ANTXR1: variants seen among roughly 807,000 people sequenced by gnomAD.
ANTXR1 encodes the protein ANTXR cell adhesion molecule 1.
Under a neutral mutation model 78.1 loss-of-function variants are expected in ANTXR1, and 19 were observed. The ratio of observed to expected loss-of-function variants is 0.24; its 90% confidence interval spans 0.17 to 0.36. The LOEUF is 0.36. Ranked by LOEUF, ANTXR1 falls within the 10% of genes least tolerant of loss-of-function variation. ANTXR1 has a pLI of 1.00. For synonymous variants in ANTXR1, 273 were observed against 260.5 expected (o/e 1.05, Z -0.46); for missense variants, 518 against 718.6 (o/e 0.72, Z 3.19).
intron 17 of ANTXR1, among the ~76,000 whole-genome samples, chr2:69,213,540 T>C (rs1675102588): frequency 6.6e-6 from 1 of 152,244 alleles, no homozygotes; most frequent in African/African-American, 2.4e-5. Context: ...ATGCAACAGA[T>C]ATCTTCCCAC....
rs905728185 is a variant in ANTXR1 at position 69,152,272 on chromosome 2, C to T, written c.1047+8C>T. On this transcript the variant is annotated splice_region_variant and intron_variant, in intron 13 of 17. Transcript: ENST00000303714. ...CCCCTCTGCTGCACTGTGGTAAGTG[C>T]CCCAAACCTCAGGCCATGCAAGGTG... The T allele has an allele frequency of 1.2e-6, 2 of 1,613,538 alleles. No homozygotes were observed. Among genetic ancestry groups the T allele is most frequent in the Non-Finnish European group, 8.5e-7 (1 of 1,179,594 alleles).
intron 10 of ANTXR1, among the ~76,000 whole-genome samples, chr2:69,116,661 G>A (rs1407770339): frequency 3.3e-5 from 5 of 152,182 alleles, no homozygotes; most frequent in African/African-American, 4.8e-5. Context: ...ACTACCTAAT[G>A]TGAATGTCAC....
At chr2:69,043,979 C>T (rs527935321) in intron 2 of ANTXR1, among the ~76,000 whole-genome samples, 2 of 152,272 alleles carry the variant, frequency 1.3e-5, no homozygotes, top group Admixed American at 1.3e-4. Context: ...ACAAGTTGGA[C>T]ACACAGAACG....
At chr2:69,231,939 G>A (rs371306311) in intron 17 of ANTXR1, among the ~76,000 whole-genome samples, 1 of 152,080 alleles carries the variant, frequency 6.6e-6, no homozygotes, top group East Asian at 1.9e-4. Context: ...CAGCACATGT[G>A]TACTACAGGG....
At chr2:69,214,552 TC>T (rs1291464824) in intron 17 of ANTXR1, among the ~76,000 whole-genome samples, 1 of 152,024 alleles carries the variant, frequency 6.6e-6, no homozygotes, top group Non-Finnish European at 1.5e-5. Flanking sequence ...CCTTCCTTCC[TC>T]CCCCAGCTAG....
Position 69,097,229 on chromosome 2 carries a change from T to G in ANTXR1, c.704-5613T>G, listed in dbSNP as rs192057618. Among the ~76,000 whole-genome samples, 29 of 152,332 alleles carry G rather than the reference T, an allele frequency of 1.9e-4. No homozygotes were observed. The East Asian group carries it at 5.6e-3, about 29-fold the overall frequency. On this transcript the variant is annotated intron_variant, in intron 9 of 17. Coordinates refer to ENST00000303714, the MANE Select transcript of ANTXR1 (RefSeq NM_032208.3). Reference sequence around the variant, plus strand: ...TCACAATGTGCTATGTAAGCAAGGATGCCAGGAAGGAACTAATTGGAATCA... The same window carrying G: ...TCACAATGTGCTATGTAAGCAAGGAGGCCAGGAAGGAACTAATTGGAATCA...
chr2:69,102,776 C>A, intron 9 of ANTXR1, 66 bp from the exon 10 acceptor site: 4 of 1,443,440 alleles, frequency 2.8e-6, no homozygotes, highest in South Asian at 2.3e-5. Context: ...TGCTCTAAAT[C>A]AGGGCAGATG....
At position 69,248,334 on chromosome 2, in the gene ANTXR1, G is replaced by A. The variant is rs1231308121; in HGVS notation, c.*2849G>A. 6.0e-6 allele frequency: 1 copy of A among 165,672 alleles called. No homozygotes were observed. Among genetic ancestry groups the A allele is most frequent in the African/African-American group, 2.4e-5 (1 of 41,436 alleles). The allele number at this position is 165,672 out of a possible 1,614,324, so 10.3% of individuals were successfully genotyped here. ...TGTAGTAAATTATTATAAAGCCGAT[G>A]ATATTTCATGGCAGGTTATTCTACC... On this transcript the variant is annotated 3_prime_UTR_variant, in exon 18 of 18. Transcript: ENST00000303714.
intron 14 of ANTXR1, 48 bp from the exon 15 acceptor site, chr2:69,181,738 C>T: frequency 6.4e-7 from 1 of 1,568,356 alleles, no homozygotes; most frequent in South Asian, 1.1e-5. Context: ...GGCAGGTCCA[C>T]ACAGCAGTGC....
At chr2:69,074,714 T>C (rs1670676727) in intron 6 of ANTXR1, among the ~76,000 whole-genome samples, 1 of 152,212 alleles carries the variant, frequency 6.6e-6, no homozygotes, top group Non-Finnish European at 1.5e-5. Flanking sequence ...CTTTCTAGAA[T>C]TCAGTGTTAA....
intron 17 of ANTXR1, among the ~76,000 whole-genome samples, chr2:69,217,302 GC>G (rs1456736970): frequency 5.9e-5 from 9 of 152,166 alleles, no homozygotes; most frequent in African/African-American, 1.9e-4. Context: ...CACACAAGTG[GC>G]CCCCTCATCC....
In ANTXR1 at chr2:69,073,857, G is replaced by A. The variant is rs574006379; in HGVS notation, c.492+756G>A. 4.6e-5 allele frequency among the ~76,000 whole-genome samples: 7 copies of A among 152,280 alleles called. No homozygotes were observed. The East Asian group carries it at 1.3e-3, about 29-fold the overall frequency. ...AACTATAGCCTTATTAGTGACAAAG[G>A]TTCATTCAGGCCCAAGGTAGAAAGA... On this transcript the variant is annotated intron_variant, in intron 6 of 17. Transcript: ENST00000303714.
intron 12 of ANTXR1, among the ~76,000 whole-genome samples, chr2:69,143,780 G>T (rs1673139000): frequency 6.6e-6 from 1 of 151,986 alleles, no homozygotes; most frequent in East Asian, 1.9e-4. Context: ...ACCTCCTAGG[G>T]CATGCTGACC....
chr2:69,091,246 C>T (rs1671225079), intron 9 of ANTXR1, among the ~76,000 whole-genome samples: 1 of 151,974 alleles, frequency 6.6e-6, no homozygotes. Context: ...TTGAGACCAG[C>T]CTGGCCAACA....
rs534504888 is a variant in ANTXR1 at position 69,071,782 on chromosome 2, G to T, written c.407G>T (p.Arg136Ile). Residue 136 changes from arginine (R) to isoleucine (I), a missense_variant, in exon 5 of 18, where the codon AGA becomes ATA. Arg to Ile is a moderately conservative substitution (Grantham distance 97). Transcript: ENST00000303714. ...RASEQIYYENRQGYRTASVII... is the reference protein window; with the variant it reads ...RASEQIYYENIQGYRTASVII... The stretch of plus-strand genomic sequence containing the variant: ...AGTGAGCAGATTTATTATGAAAACA[G>T]ACAAGGTAAGACTATAGTATGAACT... The T allele has an allele frequency of 5.6e-6, 9 of 1,613,674 alleles. No homozygotes were observed. The highest frequency in any genetic ancestry group is 7.6e-6 in the Non-Finnish European group (9 of 1,179,668).
chr2:69,137,351 T>G (rs1672938544), intron 12 of ANTXR1, among the ~76,000 whole-genome samples: 1 of 152,136 alleles, frequency 6.6e-6, no homozygotes, highest in South Asian at 2.1e-4. Flanking sequence ...GCATATGAAA[T>G]AAGGATTCCT....
At chr2:69,188,031 T>G (rs1674462424) in intron 16 of ANTXR1, among the ~76,000 whole-genome samples, 2 of 63,390 alleles carry the variant, frequency 3.2e-5, no homozygotes, top group East Asian at 5.3e-4. Context: ...AACTGCTGCC[T>G]GGCAAAAAAA....
intron 17 of ANTXR1, among the ~76,000 whole-genome samples, chr2:69,202,467 TGGA>T (rs897943059): frequency 2.0e-5 from 3 of 152,256 alleles, no homozygotes; most frequent in Non-Finnish European, 2.9e-5. Context: ...AGGCAGTAGC[TGGA>T]GGAGATCTAG....
At chr2:69,160,312 C>T (rs1202310436) in intron 13 of ANTXR1, among the ~76,000 whole-genome samples, 1 of 152,130 alleles carries the variant, frequency 6.6e-6, no homozygotes, top group Admixed American at 6.6e-5. Flanking sequence ...CTTATGCCTG[C>T]CGGTGAAATG....
Sources: gnomAD v4.1 joint callset for allele counts (sites outside exome capture counted in the v4.1 genomes callset) on GRCh38, gnomAD v4.1.1 for gene constraint, MANE v1.5 for transcripts, NCBI Gene and HGNC (gene_info 2026-07-23, HGNC 2026-07-21) for gene names.